The following C16orf95 variants were observed in gnomAD, a reference collection of about 807,000 sequenced individuals.
C16orf95 encodes the protein chromosome 16 open reading frame 95, also known as uncharacterized protein C16orf95.
A neutral mutation model predicts 32.1 loss-of-function variants in C16orf95; 41 were observed. The observed-to-expected ratio is 1.28, with a 90% CI of 1.00 to 1.66. The LOEUF (loss-of-function observed/expected upper bound fraction) is 1.66, where lower values mean the gene tolerates loss of function less well. Ranked by LOEUF, C16orf95 falls within the 40% of genes most tolerant of loss-of-function variation. C16orf95 has a pLI of 0.00. For synonymous variants in C16orf95, 147 were observed against 128.9 expected, an observed-to-expected ratio of 1.14 and a Z score of -0.95; for missense variants, 399 against 325.9, an observed-to-expected ratio of 1.22 and a Z score of -1.73.
intron 1 of C16orf95, 48 bp from the exon 2 acceptor site, chr16:87,315,871 C>A (rs1262531700): frequency 1.2e-5 from 17 of 1,428,630 alleles, no homozygotes; most frequent in Admixed American, 4.3e-5. Context: ...AACTAGGGGG[C>A]AGGGATGCTA....
rs1597347898 is a variant in C16orf95 at position 87,315,170 on chromosome 16, A to C, written c.205-74T>G. The C allele has an allele frequency of 2.8e-6, 4 of 1,436,234 alleles. No individual in the cohort carries two copies. In the East Asian group the frequency reaches 1.0e-4, roughly 36 times the overall value. The allele number at this position is 1,436,234 out of a possible 1,614,324, so 89.0% of individuals were successfully genotyped here. ...AGGGAGACAGGAGGCTCTCAAGCAC[A>C]GTAGATCCGTGCTCAGGAAGATGGT... On this transcript the variant is annotated intron_variant, in intron 2 of 6. Coordinates refer to ENST00000567970, the MANE Select transcript of C16orf95 (RefSeq NM_001195124.3).
intron 5 of C16orf95, among the ~76,000 whole-genome samples, chr16:87,307,527 G>A (rs972008260): frequency 3.3e-5 from 5 of 152,236 alleles, no homozygotes; most frequent in African/African-American, 1.2e-4. Context: ...GGGAAGCTAA[G>A]GCAGGTGGAT....
rs1428497502 is a variant in C16orf95, at chr16:87,303,151, G to C, written c.702-76C>G. On this transcript the variant is annotated intron_variant, in intron 6 of 6. Coordinates refer to ENST00000567970, the MANE Select transcript of C16orf95 (RefSeq NM_001195124.3). ...AGCTGCCCTCAGCGCGTGCCCTTGG[G>C]AAACCTCCATGAGCGGAAGGCAGAG... 1.4e-5 allele frequency: 21 copies of C among 1,457,974 alleles called. No individual in the cohort carries two copies. In the Middle Eastern group the frequency reaches 8.5e-4, roughly 59 times the overall value. The allele number at this position is 1,457,974 out of a possible 1,614,324, so 90.3% of individuals were successfully genotyped here. A position where few individuals can be genotyped will look rare whatever the true frequency, so the allele number is the denominator to read the frequency against.
At chr16:87,303,457 A>G (rs1910857184) in intron 6 of C16orf95, 2 of 216,352 alleles carry the variant, frequency 9.2e-6, no homozygotes, top group African/African-American at 4.5e-5. Context: ...GCTGTAGCAC[A>G]TCTCTCCAGG....
chr16:87,307,954 T>A (rs757123771), intron 5 of C16orf95, among the ~76,000 whole-genome samples: 129 of 152,114 alleles, frequency 8.5e-4, no homozygotes, highest in Non-Finnish European at 1.3e-3. Flanking sequence ...ATGGGTGCCC[T>A]TTAAAGATTT....
intron 5 of C16orf95, among the ~76,000 whole-genome samples, chr16:87,308,221 G>T (rs1006893050): frequency 3.9e-5 from 6 of 152,064 alleles, no homozygotes; most frequent in Non-Finnish European, 8.8e-5. Flanking sequence ...AGTGGTTCAC[G>T]CCTGTAATCC....
chr16:87,311,830 T>C (rs1291989981), intron 3 of C16orf95, among the ~76,000 whole-genome samples: 1 of 152,184 alleles, frequency 6.6e-6, no homozygotes, highest in Non-Finnish European at 1.5e-5. Flanking sequence ...TGTTGCACCA[T>C]TGTCAGGAGT....
At chr16:87,309,214 TAAACTG>T (rs1431750755) in intron 5 of C16orf95, among the ~76,000 whole-genome samples, 1 of 152,180 alleles carries the variant, frequency 6.6e-6, no homozygotes, top group African/African-American at 2.4e-5. Flanking sequence ...GGACTCTTTT[TAAACTG>T]ATGTCTTTTC....
At chr16:87,316,355 C>G (rs1320978425) in intron 1 of C16orf95, among the ~76,000 whole-genome samples, 1 of 152,200 alleles carries the variant, frequency 6.6e-6, no homozygotes, top group Non-Finnish European at 1.5e-5. Flanking sequence ...GTTCCACTCC[C>G]CAACAAACTG....
intron 3 of C16orf95, 31 bp from the exon 4 acceptor site, chr16:87,311,327 G>C: frequency 6.6e-7 from 1 of 1,506,120 alleles, no homozygotes; most frequent in Non-Finnish European, 8.9e-7. Flanking sequence ...AGAAGATTCA[G>C]AAGGGGATGG....
At chr16:87,314,308 T>C (rs1359050479) in intron 3 of C16orf95, among the ~76,000 whole-genome samples, 2 of 152,206 alleles carry the variant, frequency 1.3e-5, no homozygotes, top group Non-Finnish European at 2.9e-5. Flanking sequence ...CCTATTCACA[T>C]AATGCAGCAT....
chr16:87,317,139 C>A lies in C16orf95; in HGVS notation c.104G>T (p.Cys35Phe), dbSNP rs1489814677. The change falls in exon 1 of 7, where the codon TGC (cysteine) becomes TTC (phenylalanine). Residue 35 changes from cysteine (C) to phenylalanine (F), a missense_variant. Coordinates refer to ENST00000567970, the MANE Select transcript of C16orf95 (RefSeq NM_001195124.3). ...GAAAGGPGAG[C>F]VGLCRLALTP... ...GAGTGCCAACCTGCAGAGCCCGACG[C>A]ACCCCGCGCCCGGCCCCCCGGCAGC... is the stretch of plus-strand genomic sequence containing the variant. 2 of 1,534,234 alleles carry A rather than the reference C, an allele frequency of 1.3e-6. No individual in the cohort carries two copies. The highest frequency in any genetic ancestry group is 3.9e-5 in the Admixed American group (2 of 50,822).
In C16orf95 at chr16:87,305,804, G is replaced by A; in HGVS notation, c.616C>T (p.Gln206Ter). The A allele has an allele frequency of 6.6e-7, 1 of 1,514,376 alleles. No homozygotes were observed. Among genetic ancestry groups the A allele is most frequent in the Non-Finnish European group, 8.8e-7 (1 of 1,136,412 alleles). The allele number at this position is 1,514,376 out of a possible 1,614,324, so 93.8% of individuals were successfully genotyped here. A position where few individuals can be genotyped will look rare whatever the true frequency, so the allele number is the denominator to read the frequency against. ...AGACGCGCTGCAGGAGCCGGTAGCT[G>A]GTCCTGGTAGGGGGCCTGGAGCTGC... ...FQQLQAPYQDQLPAPAARLLP... is the reference protein window; with the variant it reads ...FQQLQAPYQD Residue 206 changes from glutamine (Q) to a stop codon, truncating the protein, a stop_gained, in exon 6 of 7, where the codon CAG becomes TAG. Coordinates refer to ENST00000567970, the MANE Select transcript of C16orf95 (RefSeq NM_001195124.3). LOFTEE classifies it high-confidence loss of function. This position sits in a 1 kb window ranked among gnomAD's most constrained non-coding sequence, Gnocchi z 4.2.
In C16orf95 at chr16:87,310,298, T is replaced by G; in HGVS notation, c.513A>C (p.Gln171His). ...GAGACACACACACACTGGAGTTACC[T>G]TGGATGCCTTTCAAACTCTGCTGCC... The part of the protein sequence containing the change: ...VRRQQSLKGI[Q>H]APLLDACCWH... The change falls in exon 5 of 7, where the codon CAA (glutamine) becomes CAC (histidine). Residue 171 changes from glutamine (Q) to histidine (H), a missense_variant and splice_region_variant. Transcript: ENST00000567970. The G allele has an allele frequency of 2.0e-6, 3 of 1,536,096 alleles. No individual in the cohort carries two copies. The highest frequency in any genetic ancestry group is 2.6e-6 in the Non-Finnish European group (3 of 1,146,900).
intron 5 of C16orf95, among the ~76,000 whole-genome samples, chr16:87,308,264 C>T (rs576916451): frequency 6.6e-5 from 10 of 152,132 alleles, no homozygotes; most frequent in East Asian, 1.9e-4. Context: ...GGGAGGATCA[C>T]GAGGTCAGGA....
intron 5 of C16orf95, among the ~76,000 whole-genome samples, chr16:87,309,544 C>G (rs1009707941): frequency 1.3e-5 from 2 of 151,804 alleles, no homozygotes; most frequent in African/African-American, 2.4e-5. Context: ...CCACCACACC[C>G]AGCTAATTTT....
At chr16:87,308,080 C>G (rs991213827) in intron 5 of C16orf95, among the ~76,000 whole-genome samples, 7 of 152,154 alleles carry the variant, frequency 4.6e-5, no homozygotes, top group African/African-American at 1.7e-4. Flanking sequence ...ACTGGTTTGA[C>G]AAGAGGAATG....
chr16:87,315,240 G>T, intron 2 of C16orf95, 144 bp from the exon 3 acceptor site: 1 of 875,394 alleles, frequency 1.1e-6, no homozygotes, highest in Non-Finnish European at 1.7e-6. Flanking sequence ...TTGGAAAGAG[G>T]CAGGCTACCG....
At chr16:87,307,300 G>T (rs1205029474) in intron 5 of C16orf95, among the ~76,000 whole-genome samples, 1 of 152,166 alleles carries the variant, frequency 6.6e-6, no homozygotes, top group Non-Finnish European at 1.5e-5. Flanking sequence ...GGGTGTGGAG[G>T]TCCTGATCTC....
Sources: gnomAD v4.1 joint callset for allele counts (sites outside exome capture counted in the v4.1 genomes callset) on GRCh38, gnomAD v4.1.1 for gene constraint, Gnocchi (gnomAD v3.1) non-coding constraint, MANE v1.5 for transcripts, NCBI Gene and HGNC (gene_info 2026-07-23, HGNC 2026-07-21) for gene names.